The following CFAP299 variants were observed in gnomAD, a reference collection of about 807,000 sequenced individuals.
The protein encoded by CFAP299 is cilia and flagella associated protein 299.
CFAP299 carries 21 observed loss-of-function variants against 27.0 expected under a neutral mutation model. The ratio of observed to expected loss-of-function variants is 0.78; its 90% CI spans 0.55 to 1.12. CFAP299 has a LOEUF of 1.12. Among genes scored for constraint, CFAP299 ranks in the 50% most tolerant of loss-of-function variants. The pLI, the probability that CFAP299 is intolerant of heterozygous loss-of-function variation, is 0.00. For missense variants in CFAP299, 310 were observed against 276.6 expected (o/e 1.12, Z -0.86); for synonymous variants, 104 against 98.1 (o/e 1.06, Z -0.36).
At chr4:80,346,636 C>T (rs991261818) in intron 1 of CFAP299, among the ~76,000 whole-genome samples, 49 of 152,044 alleles carry the variant, frequency 3.2e-4, no homozygotes, top group African/African-American at 1.1e-3. Flanking sequence ...TGGTCTATAT[C>T]TCTGTTTTGG....
At chr4:80,386,765 CG>C in intron 2 of CFAP299, 1 of 1,397,094 alleles carries the variant, frequency 7.2e-7, no homozygotes, top group African/African-American at 1.4e-5. Flanking sequence ...CTTGTCCGGC[CG>C]GTTGAACAAC....
chr4:80,656,849 A>G (rs1740583471), intron 3 of CFAP299, among the ~76,000 whole-genome samples: 1 of 152,172 alleles, frequency 6.6e-6, no homozygotes, highest in African/African-American at 2.4e-5. Context: ...CCAACAGTGT[A>G]AAACTGTTCC....
chr4:80,857,973 G>T (rs1451577847), intron 3 of CFAP299, among the ~76,000 whole-genome samples: 1 of 152,100 alleles, frequency 6.6e-6, no homozygotes. Flanking sequence ...AATAGTTTCA[G>T]AAGGAATGGT....
At chr4:80,603,215 A>G (rs1163834386) in intron 3 of CFAP299, among the ~76,000 whole-genome samples, 1 of 152,212 alleles carries the variant, frequency 6.6e-6, no homozygotes, top group African/African-American at 2.4e-5. Flanking sequence ...TATTTTACAT[A>G]TTAATTTTAA....
intron 2 of CFAP299, among the ~76,000 whole-genome samples, chr4:80,395,673 A>G (rs900222812): frequency 1.2e-4 from 19 of 152,282 alleles, no homozygotes; most frequent in African/African-American, 4.1e-4. Flanking sequence ...GTTATTAGAT[A>G]AAAGATCTGA....
Position 80,335,868 on chromosome 4 carries a change from T to C in CFAP299, c.100T>C (p.Tyr34His). The C allele has an allele frequency of 1.2e-6, 2 of 1,605,942 alleles. No individual in the cohort carries two copies. The highest frequency in any genetic ancestry group is 1.7e-6 in the Non-Finnish European group (2 of 1,172,490). The change falls in exon 1 of 6, where the codon TAC becomes CAC. Residue 34 changes from tyrosine (Y) to histidine (H), a missense_variant. Coordinates refer to ENST00000358105, the MANE Select transcript of CFAP299 (RefSeq NM_152770.3). ...CTCGCAGATCACTACTGTGGACTTG[T>C]ACTACCTGGAGGTAAGGGCGGAGCG... Reference protein sequence around the residue: ...LDSQITTVDLYYLEDETLARQ... With the variant: ...LDSQITTVDLHYLEDETLARQ...
intron 3 of CFAP299, among the ~76,000 whole-genome samples, chr4:80,819,642 G>T (rs1017787480): frequency 6.6e-6 from 1 of 152,048 alleles, no homozygotes; most frequent in African/African-American, 2.4e-5. Context: ...CTAAAATAAC[G>T]ATCTCTATGT....
intron 3 of CFAP299, among the ~76,000 whole-genome samples, chr4:80,615,760 C>T (rs1429101082): frequency 6.6e-6 from 1 of 152,148 alleles, no homozygotes; most frequent in Non-Finnish European, 1.5e-5. Context: ...TAAATTACTT[C>T]TAAATAGGAT....
intron 2 of CFAP299, among the ~76,000 whole-genome samples, chr4:80,383,485 A>G (rs1164958567): frequency 6.6e-6 from 1 of 152,200 alleles, no homozygotes; most frequent in African/African-American, 2.4e-5. Flanking sequence ...GGAATCATAT[A>G]GTGAGAACCT....
intron 2 of CFAP299, among the ~76,000 whole-genome samples, chr4:80,449,575 TAC>T (rs1728800314): frequency 1.3e-5 from 2 of 151,856 alleles, no homozygotes. Flanking sequence ...ATATGCTTAA[TAC>T]ATTCAAGAAT....
At chr4:80,900,865 T>A (rs895877540) in intron 4 of CFAP299, among the ~76,000 whole-genome samples, 1 of 151,924 alleles carries the variant, frequency 6.6e-6, no homozygotes. Flanking sequence ...TTTATAAAAA[T>A]TAATAATAAT....
At chr4:80,479,614 A>G (rs1271696251) in intron 2 of CFAP299, among the ~76,000 whole-genome samples, 1 of 152,010 alleles carries the variant, frequency 6.6e-6, no homozygotes, top group Non-Finnish European at 1.5e-5. Flanking sequence ...TTTGCAACAG[A>G]CTGATAATGA....
chr4:80,627,502 A>G (rs1441460981), intron 3 of CFAP299, among the ~76,000 whole-genome samples: 2 of 152,020 alleles, frequency 1.3e-5, no homozygotes, highest in African/African-American at 2.4e-5. Context: ...CAATTAGGCA[A>G]AAGAAAGAAA....
At chr4:80,551,163 G>A (rs1451030340) in intron 2 of CFAP299, among the ~76,000 whole-genome samples, 1 of 152,094 alleles carries the variant, frequency 6.6e-6, no homozygotes, top group African/African-American at 2.4e-5. Context: ...TTAGTCTGTG[G>A]AGTTTCAAAT....
At chr4:80,508,164 T>C (rs1338848248) in intron 2 of CFAP299, among the ~76,000 whole-genome samples, 1 of 152,196 alleles carries the variant, frequency 6.6e-6, no homozygotes, top group Non-Finnish European at 1.5e-5. Flanking sequence ...TTCACTCATT[T>C]CCTTATCTTC....
At chr4:80,471,765 A>G (rs183834859) in intron 2 of CFAP299, among the ~76,000 whole-genome samples, 6 of 152,294 alleles carry the variant, frequency 3.9e-5, no homozygotes, top group Non-Finnish European at 7.4e-5. Flanking sequence ...AAAATGATAT[A>G]TTTTTGAAAT....
At chr4:80,852,844 T>G (rs573073667) in intron 3 of CFAP299, among the ~76,000 whole-genome samples, 8 of 152,270 alleles carry the variant, frequency 5.3e-5, no homozygotes, top group Non-Finnish European at 1.0e-4. Flanking sequence ...TTCTATTCCT[T>G]TTGATAGATG....
At chr4:80,921,580 A>C (rs1210623524) in intron 4 of CFAP299, among the ~76,000 whole-genome samples, 1 of 152,096 alleles carries the variant, frequency 6.6e-6, no homozygotes. Flanking sequence ...GAGTAGGAGC[A>C]GTAAGACATG....
chr4:80,418,349 T>G (rs1047151098), intron 2 of CFAP299, among the ~76,000 whole-genome samples: 1 of 151,938 alleles, frequency 6.6e-6, no homozygotes. Flanking sequence ...TTTCTTTTTT[T>G]AAAAAAAAGT....
Sources: gnomAD v4.1 joint callset for allele counts (sites outside exome capture counted in the v4.1 genomes callset) on GRCh38, gnomAD v4.1.1 for gene constraint, MANE v1.5 for transcripts, NCBI Gene and HGNC (gene_info 2026-07-23, HGNC 2026-07-21) for gene names.